Variants in AGBL1 observed in about 807,000 individuals in gnomAD.
AGBL1 encodes AGBL carboxypeptidase 1.
In AGBL1, 130 loss-of-function variants were observed where a neutral mutation model predicts 118.9. The ratio of observed to expected loss-of-function variants is 1.09; its 90% CI spans 0.95 to 1.26. The LOEUF is 1.26. Among genes scored for constraint, AGBL1 ranks in the 50% most tolerant of loss-of-function variants. AGBL1 has a pLI of 0.00. For missense variants in AGBL1, 1,584 were observed against 1,298.1 expected, an observed-to-expected ratio of 1.22 and a Z score of -3.38; for synonymous variants, 555 against 478.9, an observed-to-expected ratio of 1.16 and a Z score of -2.08.
chr15:87,001,094 G>C (rs2081432380), intron 24 of AGBL1, among the ~76,000 whole-genome samples: 1 of 136,714 alleles, frequency 7.3e-6, no homozygotes, highest in African/African-American at 2.8e-5. Flanking sequence ...CTGAGACTTT[G>C]CTGAAGTTGC....
At chr15:86,524,895 A>G (rs2142205135) in intron 19 of AGBL1, among the ~76,000 whole-genome samples, 1 of 152,310 alleles carries the variant, frequency 6.6e-6, no homozygotes, top group Admixed American at 6.5e-5. Flanking sequence ...TGAAAGTCCT[A>G]GCCAGAGCAA....
chr15:86,281,025 A>G (rs2079343375), intron 16 of AGBL1, among the ~76,000 whole-genome samples: 1 of 152,222 alleles, frequency 6.6e-6, no homozygotes, highest in African/African-American at 2.4e-5. Flanking sequence ...GACACAGAAC[A>G]GGCAACATTC....
chr15:86,515,026 C>G (rs1283224423), intron 18 of AGBL1, among the ~76,000 whole-genome samples: 1 of 152,142 alleles, frequency 6.6e-6, no homozygotes, highest in East Asian at 1.9e-4. Flanking sequence ...TTCAACTACT[C>G]TCCTTTATGG....
At chr15:86,734,200 G>A (rs1299220915) in intron 22 of AGBL1, among the ~76,000 whole-genome samples, 1 of 152,138 alleles carries the variant, frequency 6.6e-6, no homozygotes, top group Non-Finnish European at 1.5e-5. Context: ...TATGAAAGTT[G>A]TTCAAGGTCA....
At chr15:86,347,226 A>T (rs1469186805) in intron 17 of AGBL1, among the ~76,000 whole-genome samples, 1 of 152,200 alleles carries the variant, frequency 6.6e-6, no homozygotes, top group African/African-American at 2.4e-5. Flanking sequence ...ATGGATGATA[A>T]ATATTTCATG....
In AGBL1 at chr15:86,412,967, C is replaced by CA. The variant is rs546802095; in HGVS notation, c.2555+15425dup. Among the ~76,000 whole-genome samples, 79 of 152,136 alleles carry CA rather than the reference C, an allele frequency of 5.2e-4. 1 individual carries two copies. Among genetic ancestry groups the CA allele is most frequent in the African/African-American group, 1.9e-3 (77 of 41,512 alleles). On this transcript the variant is annotated intron_variant, in intron 18 of 22. Transcript: ENST00000614907. ...AATGAAAAAAGTAATATTTTAAGAG[C>CA]AAAATAAGTGTCCCAGGCCATTCAG...
At chr15:86,604,797 C>CTTTTT (rs56780270) in intron 21 of AGBL1, among the ~76,000 whole-genome samples, 1 of 132,044 alleles carries the variant, frequency 7.6e-6, no homozygotes, top group African/African-American at 2.8e-5. Flanking sequence ...TCTTTTCTTT[C>CTTTTT]TTTTTTTTTT....
At chr15:86,716,153 G>A (rs969859881) in intron 22 of AGBL1, among the ~76,000 whole-genome samples, 1 of 151,900 alleles carries the variant, frequency 6.6e-6, no homozygotes, top group Admixed American at 6.6e-5. Context: ...ATTTTAAAGT[G>A]TGCTAGGGAT....
At chr15:86,758,379 C>A (rs1364749043) in intron 22 of AGBL1, among the ~76,000 whole-genome samples, 1 of 152,044 alleles carries the variant, frequency 6.6e-6, no homozygotes, top group Non-Finnish European at 1.5e-5. Context: ...TTTCTAGCCC[C>A]TAGAGTAGTT....
At chr15:86,793,865 G>C (rs1201602781) in intron 22 of AGBL1, among the ~76,000 whole-genome samples, 1 of 152,130 alleles carries the variant, frequency 6.6e-6, no homozygotes, top group Non-Finnish European at 1.5e-5. Flanking sequence ...ACCATCACTG[G>C]TCATTAGAGA....
intron 22 of AGBL1, among the ~76,000 whole-genome samples, chr15:86,770,905 G>T (rs1193612097): frequency 6.6e-6 from 1 of 152,080 alleles, no homozygotes; most frequent in Non-Finnish European, 1.5e-5. Context: ...TGGGCACACA[G>T]CTAGATTACC....
intron 19 of AGBL1, among the ~76,000 whole-genome samples, chr15:86,533,270 A>T (rs2142223320): frequency 9.3e-6 from 1 of 108,074 alleles, no homozygotes; most frequent in Admixed American, 8.3e-5. Flanking sequence ...TACAAGAAAA[A>T]AACAAACAAC....
intron 22 of AGBL1, among the ~76,000 whole-genome samples, chr15:86,727,780 T>C (rs2086842752): frequency 6.6e-6 from 1 of 152,202 alleles, no homozygotes; most frequent in Non-Finnish European, 1.5e-5. Context: ...AATGTTAAGT[T>C]GCAAAAATCC....
chr15:86,094,130 A>G (rs1222679722), intron 1 of AGBL1, among the ~76,000 whole-genome samples: 2 of 152,284 alleles, frequency 1.3e-5, no homozygotes, highest in East Asian at 3.9e-4. Flanking sequence ...CTATATTTGC[A>G]GTCGTTACTT....
In AGBL1 at chr15:86,827,437, ATATATGTGTGTG is replaced by A. The variant is rs1567194787; in HGVS notation, c.3159-79644_3159-79633del. 3.3e-3 allele frequency among the ~76,000 whole-genome samples: 35 copies of A among 10,506 alleles called. 4 individuals carry two copies. Among genetic ancestry groups the A allele is most frequent in the African/African-American group, 0.018 (30 of 1,684 alleles). The allele number at this position is 10,506 out of a possible 152,430, so 6.9% of individuals were successfully genotyped here. On this transcript the variant is annotated intron_variant, in intron 22 of 22. Transcript: ENST00000614907. ...TATATATATATATATATACACATATATATATGTGTGTGTATATATATATATATATATACATAT... is the reference window on the plus strand; with the variant it reads ...TATATATATATATATATACACATATATATATATATATATATATATACATAT...
chr15:86,418,672 G>A (rs2081737208), intron 18 of AGBL1, among the ~76,000 whole-genome samples: 1 of 152,120 alleles, frequency 6.6e-6, no homozygotes, highest in Non-Finnish European at 1.5e-5. Context: ...TAAGCTAAGG[G>A]TGGGCTAAGC....
At position 86,522,959 on chromosome 15, in the gene AGBL1, C is replaced by T; in HGVS notation, c.2685+20C>T. The T allele has an allele frequency of 6.2e-7, 1 of 1,611,348 alleles. No individual in the cohort carries two copies. The highest frequency in any genetic ancestry group is 1.1e-5 in the South Asian group (1 of 91,008). On this transcript the variant is annotated intron_variant, in intron 19 of 22. Coordinates refer to ENST00000614907, the MANE Select transcript of AGBL1 (RefSeq NM_001386094.1). Reference sequence around the variant, plus strand: ...CCCGTGGTGAGTCACTTCCTTCTGCCTCCACCTTCCTGGCTGCTTCCTTCT... The same window carrying T: ...CCCGTGGTGAGTCACTTCCTTCTGCTTCCACCTTCCTGGCTGCTTCCTTCT...
intron 5 of AGBL1, among the ~76,000 whole-genome samples, chr15:86,190,964 C>T (rs1279472178): frequency 6.6e-6 from 1 of 152,090 alleles, no homozygotes; most frequent in Non-Finnish European, 1.5e-5. Flanking sequence ...TTCAGGATAT[C>T]ATGAATTCAG....
At chr15:86,900,604 G>C (rs1481093376) in intron 22 of AGBL1, among the ~76,000 whole-genome samples, 1 of 151,234 alleles carries the variant, frequency 6.6e-6, no homozygotes, top group Non-Finnish European at 1.5e-5. Flanking sequence ...TTTTTTGAGA[G>C]TTCAGAAAAG....
Sources: gnomAD v4.1 joint callset for allele counts (sites outside exome capture counted in the v4.1 genomes callset) on GRCh38, gnomAD v4.1.1 for gene constraint, MANE v1.5 for transcripts, NCBI Gene and HGNC (gene_info 2026-07-23, HGNC 2026-07-21) for gene names.